The following FUS variants were observed in gnomAD, a reference collection of about 807,000 sequenced individuals.
FUS encodes RNA-binding protein FUS.
A neutral mutation model predicts 82.7 loss-of-function variants in FUS; 5 were observed. The observed-to-expected ratio is 0.06, with a 90% CI of 0.03 to 0.13. The LOEUF is 0.13. Ranked by LOEUF, FUS falls within the 10% of genes least tolerant of loss-of-function variation. FUS has a pLI of 1.00. For synonymous variants in FUS, 281 were observed against 247.4 expected, an observed-to-expected ratio of 1.14 and a Z score of -1.27; for missense variants, 512 against 707.8, an observed-to-expected ratio of 0.72 and a Z score of 3.14.
chr16:31,190,545 G>A, intron 12 of FUS, 147 bp downstream of exon 12: 1 of 1,314,414 alleles, frequency 7.6e-7, no homozygotes, highest in Non-Finnish European at 1.1e-6. Context: ...ACCTAGGTAA[G>A]GTTGATGTAA....
chr16:31,186,742 A>G, intron 6 of FUS, 60 bp from the exon 7 acceptor site: 2 of 1,562,336 alleles, frequency 1.3e-6, no homozygotes, highest in Non-Finnish European at 1.8e-6. Flanking sequence ...CAAAATCAAA[A>G]AACAACCTTT....
intron 10 of FUS, 79 bp downstream of exon 10, chr16:31,189,873 G>A (rs1045727628): frequency 5.0e-6 from 8 of 1,608,982 alleles, no homozygotes; most frequent in Non-Finnish European, 5.9e-6. Context: ...TAGTTTGAGG[G>A]TTCTTTTGAG....
At chr16:31,185,872 T>G (rs1370992576) in intron 6 of FUS, 1 of 266,082 alleles carries the variant, frequency 3.8e-6, no homozygotes, top group Admixed American at 4.7e-5. Flanking sequence ...TGAAGTTGAT[T>G]TGAAGTAAAA....
downstream of FUS, chr16:31,192,253 TG>T (rs534996424): frequency 3.6e-4 from 190 of 526,296 alleles, no homozygotes; most frequent in Admixed American, 7.4e-4. Context: ...CCTTTTTGAT[TG>T]GAGGGTGGAA....
At chr16:31,188,077 TG>T in intron 7 of FUS, 1 of 571,722 alleles carries the variant, frequency 1.7e-6, no homozygotes, top group Non-Finnish European at 3.1e-6. Flanking sequence ...AGGCAGCATT[TG>T]CTGAAGTGTG....
At chr16:31,183,707 G>T in intron 3 of FUS, 151 bp from the exon 4 acceptor site, 2 of 905,718 alleles carry the variant, frequency 2.2e-6, no homozygotes, top group Non-Finnish European at 3.6e-6. Context: ...TTTGAAAGGA[G>T]GGTAACTATC....
At chr16:31,189,250 C>T in intron 9 of FUS, 24 bp downstream of exon 9, 1 of 1,501,096 alleles carries the variant, frequency 6.7e-7, no homozygotes, top group Non-Finnish European at 9.3e-7. Context: ...GGAGTGGGAG[C>T]TTTCTGTCAG....
chr16:31,192,471 TC>T, downstream of FUS: 1 of 518,478 alleles, frequency 1.9e-6, no homozygotes, highest in South Asian at 1.5e-5. Context: ...TACAGGGTTT[TC>T]GAACTTGGTT....
intron 6 of FUS, chr16:31,186,508 G>C (rs1596901350): frequency 2.0e-6 from 1 of 498,064 alleles, no homozygotes; most frequent in Non-Finnish European, 3.7e-6. Context: ...AAAAACATCT[G>C]CTCCATCGGA....
At chr16:31,187,593 A>G (rs991626905) in intron 7 of FUS, 2 of 230,988 alleles carry the variant, frequency 8.7e-6, no homozygotes, top group African/African-American at 2.2e-5. Flanking sequence ...AGGTTTCTTG[A>G]TTTGTTTCAA....
rs1431362087 is a variant in FUS at position 31,191,512 on chromosome 16, T to A, written c.*74T>A. 10 of 1,510,830 alleles carry A rather than the reference T, an allele frequency of 6.6e-6. No individual in the cohort carries two copies. Among genetic ancestry groups the A allele is most frequent in the Non-Finnish European group, 9.2e-6 (10 of 1,087,306 alleles). 93.6% of individuals were successfully genotyped at this position (1,510,830 alleles called of 1,614,324 possible). A position where few individuals can be genotyped will look rare whatever the true frequency, so the allele number is the denominator to read the frequency against. ...TGTTACCCTCGTTATTTTGTAACCT[T>A]CCAATTCCTGATCACCCAAGGGTTT... On this transcript the variant is annotated 3_prime_UTR_variant, in exon 15 of 15. Coordinates refer to ENST00000254108, the MANE Select transcript of FUS (RefSeq NM_004960.4).
intron 3 of FUS, 54 bp downstream of exon 3, chr16:31,182,718 C>G (rs1215275394): frequency 1.2e-6 from 2 of 1,610,922 alleles, no homozygotes; most frequent in African/African-American, 1.3e-5. Context: ...TATTGCTTTT[C>G]TTTTTCTTGT....
At chr16:31,183,069 C>G in intron 3 of FUS, 1 of 296,686 alleles carries the variant, frequency 3.4e-6, no homozygotes, top group Non-Finnish European at 6.6e-6. Flanking sequence ...ATTTCTTTTC[C>G]GTGAAACAGT....
intron 3 of FUS, chr16:31,183,654 C>T (rs2079214470): frequency 3.2e-6 from 2 of 618,006 alleles, no homozygotes; most frequent in South Asian, 3.6e-5. Flanking sequence ...GAAATTGGAA[C>T]TGTACTAAAG....
At chr16:31,188,253 TC>T (rs1355126618) in intron 7 of FUS, 71 bp from the exon 8 acceptor site, 3 of 1,527,992 alleles carry the variant, frequency 2.0e-6, no homozygotes, top group Non-Finnish European at 1.8e-6. Flanking sequence ...GTCCGTTTTT[TC>T]CTGTTGACTA....
intron 7 of FUS, 71 bp downstream of exon 7, chr16:31,186,907 C>G: frequency 7.1e-7 from 1 of 1,413,584 alleles, no homozygotes; most frequent in Non-Finnish European, 1.0e-6. Flanking sequence ...TTGCAGATGT[C>G]TTAGCGTGTT....
rs999302119 is a variant in FUS, at chr16:31,181,165, T to C, written c.13+938T>C. On this transcript the variant is annotated intron_variant, in intron 1 of 14. Coordinates refer to ENST00000254108, the MANE Select transcript of FUS (RefSeq NM_004960.4). ...GCTGACCTCAGGTGATCCGCCCGCCTGGGCCTCCCGAAGTGTCGGGATTAC... is the reference window on the plus strand; with the variant it reads ...GCTGACCTCAGGTGATCCGCCCGCCCGGGCCTCCCGAAGTGTCGGGATTAC... Among the ~76,000 whole-genome samples the C allele has an allele frequency of 1.7e-3, 255 of 152,334 alleles. 1 individual carries two copies. Among genetic ancestry groups the C allele is most frequent in the African/African-American group, 5.8e-3 (242 of 41,576 alleles).
intron 6 of FUS, 130 bp downstream of exon 6, chr16:31,185,309 TG>T: frequency 8.5e-7 from 1 of 1,179,364 alleles, no homozygotes; most frequent in East Asian, 2.6e-5. Context: ...GGCTTTGATT[TG>T]GGGGCAGTGA....
At chr16:31,192,104 T>TC, downstream of FUS, 1 of 532,110 alleles carries the variant, frequency 1.9e-6, no homozygotes, top group South Asian at 1.5e-5. Flanking sequence ...GGTGAGTGAC[T>TC]CCCTTCCTAG....
Sources: allele counts gnomAD v4.1 joint callset (sites outside exome capture counted in the v4.1 genomes callset), GRCh38; gene constraint gnomAD v4.1.1; transcripts MANE v1.5; gene names NCBI Gene and HGNC (gene_info 2026-07-23, HGNC 2026-07-21).